ACOXL: variants seen among roughly 807,000 people sequenced by gnomAD.
ACOXL encodes acyl-coenzyme A oxidase-like protein.
Under a neutral mutation model 71.9 loss-of-function variants are expected in ACOXL, and 70 were observed. The observed-to-expected ratio is 0.97, with a 90% CI of 0.80 to 1.19. ACOXL has a LOEUF of 1.19. Ranked by LOEUF, ACOXL falls within the 50% of genes most tolerant of loss-of-function variation. The pLI is 0.00. For synonymous variants in ACOXL, 253 were observed against 281.6 expected, an observed-to-expected ratio of 0.90 and a Z score of 1.02; for missense variants, 703 against 736.3, an observed-to-expected ratio of 0.95 and a Z score of 0.52.
chr2:110,734,059 AG>A (rs1676533272), intron 1 of ACOXL, among the ~76,000 whole-genome samples: 1 of 152,228 alleles, frequency 6.6e-6, no homozygotes, highest in Non-Finnish European at 1.5e-5. Context: ...TAAGACAGAC[AG>A]TAAAGGGATT....
chr2:110,873,033 TAAAAC>T (rs906965151), intron 10 of ACOXL, among the ~76,000 whole-genome samples: 1 of 152,224 alleles, frequency 6.6e-6, no homozygotes, highest in Non-Finnish European at 1.5e-5. Flanking sequence ...TGTTTTAACA[TAAAAC>T]AAATGTTTTA....
intron 12 of ACOXL, among the ~76,000 whole-genome samples, chr2:110,985,972 A>T (rs759233618): frequency 6.6e-5 from 10 of 152,190 alleles, no homozygotes; most frequent in Non-Finnish European, 1.3e-4. Flanking sequence ...CCTCTGTATC[A>T]ATCAAGTTCG....
intron 12 of ACOXL, among the ~76,000 whole-genome samples, chr2:110,973,976 C>A (rs2062332337): frequency 6.6e-6 from 1 of 152,122 alleles, no homozygotes; most frequent in African/African-American, 2.4e-5. Context: ...TCAGTCAGCA[C>A]CCCCTCATAG....
chr2:110,746,583 G>C (rs1678245063), intron 1 of ACOXL, among the ~76,000 whole-genome samples: 1 of 152,132 alleles, frequency 6.6e-6, no homozygotes, highest in Admixed American at 6.5e-5. Flanking sequence ...TCCTCCACAT[G>C]TACGTCGAAT....
chr2:110,926,248 G>C (rs1440128271), intron 11 of ACOXL, among the ~76,000 whole-genome samples: 1 of 152,198 alleles, frequency 6.6e-6, no homozygotes, highest in African/African-American at 2.4e-5. Flanking sequence ...GCTGGAGAAA[G>C]GGCTCTGATA....
chr2:110,832,920 A>G (rs1305162676), intron 9 of ACOXL, among the ~76,000 whole-genome samples: 1 of 152,242 alleles, frequency 6.6e-6, no homozygotes, highest in African/African-American at 2.4e-5. Flanking sequence ...TTATAAAGTG[A>G]TAGCGCCAAA....
At chr2:110,734,523 G>A (rs943024725) in intron 1 of ACOXL, among the ~76,000 whole-genome samples, 1 of 151,920 alleles carries the variant, frequency 6.6e-6, no homozygotes, top group Non-Finnish European at 1.5e-5. Context: ...CGCCTGCCTC[G>A]GTCTCCCAAA....
chr2:110,891,432 T>C (rs1450651244), intron 10 of ACOXL, among the ~76,000 whole-genome samples: 1 of 151,850 alleles, frequency 6.6e-6, no homozygotes, highest in Non-Finnish European at 1.5e-5. Flanking sequence ...ATATGTCTTT[T>C]ATCTAGAGAA....
At chr2:110,936,277 A>C (rs1234072157) in intron 12 of ACOXL, among the ~76,000 whole-genome samples, 1 of 152,142 alleles carries the variant, frequency 6.6e-6, no homozygotes, top group Admixed American at 6.5e-5. Flanking sequence ...TGTTATTATT[A>C]TTATTATTGA....
At chr2:111,115,295 A>G (rs2070267741) in intron 17 of ACOXL, among the ~76,000 whole-genome samples, 1 of 152,206 alleles carries the variant, frequency 6.6e-6, no homozygotes, top group Non-Finnish European at 1.5e-5. Context: ...TACACTGCTT[A>G]GCCCCATATA....
chr2:110,851,541 C>A (rs1045231932), intron 10 of ACOXL, among the ~76,000 whole-genome samples: 16 of 152,336 alleles, frequency 1.1e-4, no homozygotes, highest in African/African-American at 4.8e-5. Context: ...CGTTCCACGA[C>A]AACACAGGTG....
At chr2:111,042,274 C>T (rs904427626) in intron 15 of ACOXL, among the ~76,000 whole-genome samples, 5 of 152,240 alleles carry the variant, frequency 3.3e-5, no homozygotes, top group Non-Finnish European at 7.3e-5. Flanking sequence ...TTCAGTACCT[C>T]CTATTTGCCA....
At chr2:110,974,478 A>G (rs1449604284) in intron 12 of ACOXL, among the ~76,000 whole-genome samples, 1 of 152,170 alleles carries the variant, frequency 6.6e-6, no homozygotes, top group Non-Finnish European at 1.5e-5. Flanking sequence ...ACCAAATCCA[A>G]TTACTACCCA....
intron 7 of ACOXL, among the ~76,000 whole-genome samples, chr2:110,801,045 T>C (rs1685929919): frequency 6.6e-6 from 1 of 152,114 alleles, no homozygotes; most frequent in Non-Finnish European, 1.5e-5. Context: ...TCTCTCTAAG[T>C]TTTCACAAAG....
chr2:110,991,092 T>C (rs555928139), intron 13 of ACOXL, among the ~76,000 whole-genome samples: 1 of 152,324 alleles, frequency 6.6e-6, no homozygotes, highest in East Asian at 1.9e-4. Context: ...AACTATTTAA[T>C]TAGCTTAATT....
At chr2:111,082,929 C>T (rs1375427108) in intron 16 of ACOXL, among the ~76,000 whole-genome samples, 1 of 152,024 alleles carries the variant, frequency 6.6e-6, no homozygotes, top group Non-Finnish European at 1.5e-5. Context: ...CAAACTAACA[C>T]AAGAACAGAA....
intron 11 of ACOXL, among the ~76,000 whole-genome samples, chr2:110,915,217 C>T (rs563223452): frequency 6.6e-6 from 1 of 151,060 alleles, no homozygotes; most frequent in African/African-American, 2.4e-5. Context: ...CACAATTTTT[C>T]TTTCTCTATT....
intron 13 of ACOXL, among the ~76,000 whole-genome samples, chr2:110,993,229 A>G (rs1460416678): frequency 2.0e-5 from 3 of 152,222 alleles, no homozygotes; most frequent in Non-Finnish European, 4.4e-5. Flanking sequence ...GCATAAACCT[A>G]TGTAACCAAA....
chr2:111,083,189 A>G (rs909056697), intron 16 of ACOXL, among the ~76,000 whole-genome samples: 1 of 152,168 alleles, frequency 6.6e-6, no homozygotes, highest in Non-Finnish European at 1.5e-5. Flanking sequence ...TAATAATTAA[A>G]AAAAAGAATT....
Sources: gnomAD v4.1 joint callset for allele counts (sites outside exome capture counted in the v4.1 genomes callset) on GRCh38, gnomAD v4.1.1 for gene constraint, MANE v1.5 for transcripts, NCBI Gene and HGNC (gene_info 2026-07-23, HGNC 2026-07-21) for gene names.